Variants in ATP2C2 observed in about 807,000 individuals in gnomAD.
ATP2C2 encodes the protein calcium-transporting ATPase type 2C member 2.
Under a neutral mutation model 110.8 loss-of-function variants are expected in ATP2C2, and 171 were observed. That is an observed-to-expected ratio of 1.54 (90% CI 1.36 to 1.75). The LOEUF (loss-of-function observed/expected upper bound fraction) is 1.75, where lower values mean the gene tolerates loss of function less well. ATP2C2 is among the 40% of genes most tolerant of loss of function. ATP2C2 has a pLI of 0.00. For missense variants in ATP2C2, 1,963 were observed against 1,235.0 expected (o/e 1.59, Z -8.84); for synonymous variants, 804 against 508.4 (o/e 1.58, Z -7.82).
chr16:84,437,105 A>G (rs544721226), intron 11 of ATP2C2, among the ~76,000 whole-genome samples: 1 of 152,292 alleles, frequency 6.6e-6, no homozygotes, highest in South Asian at 2.1e-4. Context: ...ATTCACATAT[A>G]TAATTCATCC....
At chr16:84,420,830 G>C (rs911042271) in intron 7 of ATP2C2, among the ~76,000 whole-genome samples, 1 of 152,210 alleles carries the variant, frequency 6.6e-6, no homozygotes, top group Non-Finnish European at 1.5e-5. Flanking sequence ...GTTTTGAGCA[G>C]AGTCTCTCTC....
intron 1 of ATP2C2, among the ~76,000 whole-genome samples, chr16:84,381,199 C>A (rs1241959666): frequency 6.6e-6 from 1 of 152,088 alleles, no homozygotes; most frequent in Non-Finnish European, 1.5e-5. Flanking sequence ...TTTCAGAGTA[C>A]CTTCTTAAGG....
intron 20 of ATP2C2, among the ~76,000 whole-genome samples, chr16:84,453,991 C>G (rs1036441752): frequency 3.3e-5 from 5 of 152,106 alleles, no homozygotes; most frequent in South Asian, 2.1e-4. Context: ...GCGGTGTGCA[C>G]CAGCACACCC....
rs1414955643 is a variant in ATP2C2, at chr16:84,439,420, G to C, written c.1112-7G>C. On this transcript the variant is annotated splice_region_variant and splice_polypyrimidine_tract_variant and intron_variant, in intron 12 of 26. Transcript: ENST00000262429. ...TCTCTTCTATAAACTGGTGTTTGTT[G>C]TACCAGGTTGCTGCAGCGTTCTCTG... The C allele has an allele frequency of 6.2e-7, 1 of 1,613,932 alleles. No homozygotes were observed. The highest frequency in any genetic ancestry group is 1.3e-5 in the African/African-American group (1 of 74,890).
At chr16:84,460,565 T>G (rs113528526) in intron 23 of ATP2C2, 89 bp from the exon 24 acceptor site, 16,750 of 1,584,102 alleles carry the variant, frequency 0.011, 133 homozygotes, top group Middle Eastern at 0.027. Flanking sequence ...TGTGCCAACT[T>G]GGCCTGGGAG....
rs763442245 is a variant in ATP2C2 at position 84,463,735 on chromosome 16, G to C, written c.*3G>C. ...AGATGCACCCTGAAGATGTGTAGTG[G>C]ACCGCACTCCGCGGCACCTTCCCTA... On this transcript the variant is annotated 3_prime_UTR_variant, in exon 27 of 27. Transcript: ENST00000262429. The C allele has an allele frequency of 1.2e-6, 2 of 1,605,922 alleles. No individual in the cohort carries two copies. The highest frequency in any genetic ancestry group is 2.2e-5 in the East Asian group (1 of 44,838).
At chr16:84,461,475 C>T (rs926302397) in intron 24 of ATP2C2, 1 of 590,334 alleles carries the variant, frequency 1.7e-6, no homozygotes, top group African/African-American at 1.9e-5. Flanking sequence ...GTGGTGTTTC[C>T]TCCACCCATA....
At chr16:84,431,378 C>G (rs552962823) in intron 11 of ATP2C2, among the ~76,000 whole-genome samples, 2 of 152,122 alleles carry the variant, frequency 1.3e-5, no homozygotes, top group East Asian at 1.9e-4. Flanking sequence ...ACCTGTAATC[C>G]CAGCTACTCA....
At chr16:84,426,696 G>A (rs1231411735) in intron 11 of ATP2C2, among the ~76,000 whole-genome samples, 1 of 152,310 alleles carries the variant, frequency 6.6e-6, no homozygotes, top group South Asian at 2.1e-4. Context: ...AGTGCAGAGT[G>A]AGTGTTGGCT....
At chr16:84,373,745 T>TA (rs559662637) in intron 1 of ATP2C2, among the ~76,000 whole-genome samples, 323 of 152,162 alleles carry the variant, frequency 2.1e-3, no homozygotes, top group African/African-American at 7.5e-3. Context: ...TCATTCACGT[T>TA]AAAAAAAATC....
At position 84,415,551 on chromosome 16, in the gene ATP2C2, C is replaced by A. The variant is rs750928016; in HGVS notation, c.584C>A (p.Ser195Ter). 3.1e-6 allele frequency: 5 copies of A among 1,613,994 alleles called. No homozygotes were observed. Among genetic ancestry groups the A allele is most frequent in the African/African-American group, 1.3e-5 (1 of 74,924 alleles). ...GTTCCTGGTGATGTCGTATCTCTCTCGATCGGAGACCGGATCCCTGCAGAC... is the reference window on the plus strand; with the variant it reads ...GTTCCTGGTGATGTCGTATCTCTCTAGATCGGAGACCGGATCCCTGCAGAC... ...ELVPGDVVSL[S>*]IGDRIPADIR... The change falls in exon 7 of 27, where the codon TCG becomes TAG. Residue 195 changes from serine (S) to a stop codon, truncating the protein, a stop_gained. Transcript: ENST00000262429. LOFTEE classifies it high-confidence loss of function.
intron 26 of ATP2C2, chr16:84,462,372 C>A: frequency 2.2e-6 from 1 of 457,096 alleles, no homozygotes. Flanking sequence ...GTCTGGGGCC[C>A]AAGGGGCACC....
At chr16:84,383,119 A>G (rs1356479738) in intron 1 of ATP2C2, among the ~76,000 whole-genome samples, 1 of 152,140 alleles carries the variant, frequency 6.6e-6, no homozygotes, top group East Asian at 1.9e-4. Flanking sequence ...TGTCCTTGTC[A>G]TCTTGGGCAC....
intron 1 of ATP2C2, among the ~76,000 whole-genome samples, chr16:84,370,281 C>A (rs1386474558): frequency 1.3e-5 from 2 of 152,224 alleles, no homozygotes; most frequent in African/African-American, 4.8e-5. Flanking sequence ...GCTCTCCCAC[C>A]TGGCTGTGGA....
intron 2 of ATP2C2, among the ~76,000 whole-genome samples, chr16:84,400,041 T>C (rs1175245052): frequency 6.6e-6 from 1 of 152,190 alleles, no homozygotes; most frequent in Non-Finnish European, 1.5e-5. Flanking sequence ...CACTATGTTA[T>C]TTGACTTAAT....
At chr16:84,430,623 G>A in intron 11 of ATP2C2, among the ~76,000 whole-genome samples, 1 of 137,392 alleles carries the variant, frequency 7.3e-6, no homozygotes. Context: ...CTGGGCAGCA[G>A]AGTGAGACAC....
At chr16:84,437,726 G>T (rs148160232) in intron 11 of ATP2C2, among the ~76,000 whole-genome samples, 1 of 152,296 alleles carries the variant, frequency 6.6e-6, no homozygotes, top group Admixed American at 6.5e-5. Context: ...ACGTTGTCCA[G>T]GTTGGTCTCA....
At position 84,454,115 on chromosome 16, in the gene ATP2C2, T is replaced by C. The variant is rs1910571522; in HGVS notation, c.1981-703T>C. Among the ~76,000 whole-genome samples, 5 of 152,124 alleles carry C rather than the reference T, an allele frequency of 3.3e-5. No individual in the cohort carries two copies. In the South Asian group the frequency reaches 6.2e-4, roughly 19 times the overall value. ...CTTCGCCTCCCAAAGTGCTGGGTGC[T>C]TTTTGGCTTTATTCCTTTTACTCAA... is the stretch of plus-strand genomic sequence containing the variant. On this transcript the variant is annotated intron_variant, in intron 20 of 26. Transcript: ENST00000262429.
At chr16:84,449,375 C>G (rs558573593) in intron 17 of ATP2C2, among the ~76,000 whole-genome samples, 181 of 152,302 alleles carry the variant, frequency 1.2e-3, no homozygotes, top group Admixed American at 2.7e-3. Context: ...CGTGTCCCCT[C>G]TTCCCGAGTG....
Sources: allele counts gnomAD v4.1 joint callset (sites outside exome capture counted in the v4.1 genomes callset), GRCh38; gene constraint gnomAD v4.1.1; transcripts MANE v1.5; gene names NCBI Gene and HGNC (gene_info 2026-07-23, HGNC 2026-07-21).